ANKRD27: variants seen among roughly 807,000 people sequenced by gnomAD.
ANKRD27 encodes the protein ankyrin repeat domain 27, also known as ankyrin repeat domain-containing protein 27.
A neutral mutation model predicts 129.7 loss-of-function variants in ANKRD27; 112 were observed. The observed-to-expected ratio is 0.86, with a 90% CI of 0.74 to 1.01. The LOEUF is 1.01. ANKRD27 is among the 50% of genes least tolerant of loss of function. ANKRD27 has a pLI of 0.00. For synonymous variants in ANKRD27, 516 were observed against 511.2 expected, an observed-to-expected ratio of 1.01 and a Z score of -0.13; for missense variants, 1,258 against 1,300.5, an observed-to-expected ratio of 0.97 and a Z score of 0.50.
chr19:32,601,983 T>C, intron 26 of ANKRD27, 32 bp downstream of exon 26: 1 of 1,406,302 alleles, frequency 7.1e-7, no homozygotes, highest in Non-Finnish European at 1.0e-6. Flanking sequence ...TATACCCAAC[T>C]TGAGCGTGAC....
chr19:32,620,568 CA>C (rs59205429), intron 18 of ANKRD27, among the ~76,000 whole-genome samples: 3 of 142,916 alleles, frequency 2.1e-5, no homozygotes, highest in Admixed American at 7.1e-5. Context: ...GACTCCGTCT[CA>C]AAAAAAAAAA....
intron 1 of ANKRD27, among the ~76,000 whole-genome samples, chr19:32,665,255 T>C (rs1408489819): frequency 6.6e-6 from 1 of 151,636 alleles, no homozygotes; most frequent in Admixed American, 6.6e-5. Context: ...AAAATCCTAT[T>C]AGGATTTTTA....
At chr19:32,646,298 G>T (rs1485839385) in intron 4 of ANKRD27, among the ~76,000 whole-genome samples, 161 bp downstream of exon 4, 2 of 151,040 alleles carry the variant, frequency 1.3e-5, no homozygotes, top group East Asian at 4.0e-4. Flanking sequence ...TGAACTCCTG[G>T]CCTCAAGTGA....
chr19:32,670,199 C>T (rs7259627), intron 1 of ANKRD27, among the ~76,000 whole-genome samples: 37 of 152,122 alleles, frequency 2.4e-4, no homozygotes, highest in South Asian at 4.1e-4. Context: ...CACTGCTGTG[C>T]GGACAGGGCC....
chr19:32,674,947 G>C (rs1468352285), intron 1 of ANKRD27, 124 bp downstream of exon 1: 2 of 151,906 alleles, frequency 1.3e-5, no homozygotes, highest in Non-Finnish European at 2.9e-5. Context: ...CCCGGGAGCG[G>C]ACTCCGGAGA....
intron 28 of ANKRD27, among the ~76,000 whole-genome samples, chr19:32,599,109 G>T (rs533790712): frequency 6.6e-6 from 1 of 152,030 alleles, no homozygotes; most frequent in Admixed American, 6.6e-5. Flanking sequence ...GTGAAACTGC[G>T]TCTCTACTAA....
chr19:32,649,751 C>T lies in ANKRD27; in HGVS notation c.144G>A (p.Gln48=). The change falls in exon 3 of 29, where the codon CAG becomes CAA. Residue 48 remains glutamine (Q), a synonymous_variant. Transcript: ENST00000306065. ...TGTAGGACTCAAACTGACAAGTAGA[C>T]TGGATGCTGCTCGACAGGCTTCCTT... The part of the protein sequence containing the change: ...PCKGSLSSSI[Q]STCQFESYIL... 6.2e-7 allele frequency: 1 copy of T among 1,614,090 alleles called. No individual in the cohort carries two copies. The highest frequency in any genetic ancestry group is 8.5e-7 in the Non-Finnish European group (1 of 1,179,990).
intron 15 of ANKRD27, among the ~76,000 whole-genome samples, chr19:32,627,870 G>A (rs568269446): frequency 3.3e-5 from 5 of 152,340 alleles, no homozygotes; most frequent in African/African-American, 1.2e-4. Flanking sequence ...CCCACGCAGG[G>A]GGGCTCAGCC....
chr19:32,661,082 T>A (rs1186818849), intron 1 of ANKRD27, among the ~76,000 whole-genome samples: 1 of 151,510 alleles, frequency 6.6e-6, no homozygotes, highest in Non-Finnish European at 1.5e-5. Flanking sequence ...ATGCCTATAG[T>A]CCCAGGTACT....
Position 32,640,369 on chromosome 19 carries a change from C to G in ANKRD27, c.921G>C (p.Met307Ile), listed in dbSNP as rs1967174994. The stretch of plus-strand genomic sequence containing the variant: ...GGACTGATAGCAGATCATCAGCACA[C>G]ATGGTCTCCAGGTTCACTGCAAAGG... ...SPSQRVNLET[M>I]CADDLLSVLL... is the part of the protein sequence containing the mutation. The change falls in exon 11 of 29, where the codon ATG becomes ATC. Residue 307 changes from methionine to isoleucine, a missense_variant. Coordinates refer to ENST00000306065, the MANE Select transcript of ANKRD27 (RefSeq NM_032139.3). 6.2e-7 allele frequency: 1 copy of G among 1,613,958 alleles called. No homozygotes were observed. Among genetic ancestry groups the G allele is most frequent in the Non-Finnish European group, 8.5e-7 (1 of 1,179,856 alleles).
chr19:32,653,906 T>C (rs553824491), intron 2 of ANKRD27, among the ~76,000 whole-genome samples: 1 of 152,174 alleles, frequency 6.6e-6, no homozygotes, highest in South Asian at 2.1e-4. Context: ...TTTTTGTTTG[T>C]TTTTGTTTTT....
chr19:32,611,109 A>G (rs1469582446), intron 22 of ANKRD27, among the ~76,000 whole-genome samples: 1 of 152,240 alleles, frequency 6.6e-6, no homozygotes, highest in African/African-American at 2.4e-5. Flanking sequence ...AAATCACAAA[A>G]AGAGAATAAG....
chr19:32,602,436 AG>A (rs1211949909), intron 25 of ANKRD27, among the ~76,000 whole-genome samples: 1 of 152,050 alleles, frequency 6.6e-6, no homozygotes, highest in Non-Finnish European at 1.5e-5. Context: ...GAGGCTGTTG[AG>A]GGCCCCCATA....
chr19:32,610,110 G>A (rs1358103228), intron 22 of ANKRD27, among the ~76,000 whole-genome samples: 2 of 152,110 alleles, frequency 1.3e-5, no homozygotes, highest in Non-Finnish European at 2.9e-5. Flanking sequence ...AAGAGATCGA[G>A]ACCATCCTGG....
chr19:32,601,611 CAAA>C (rs386388881), intron 26 of ANKRD27, among the ~76,000 whole-genome samples: 6 of 65,158 alleles, frequency 9.2e-5, no homozygotes, highest in African/African-American at 5.5e-5. Flanking sequence ...GACTCTGTCT[CAAA>C]AAAAAAAAAA....
rs145133404 is a variant in ANKRD27 at position 32,616,381 on chromosome 19, C to T, written c.2053-601G>A. 3.5e-3 allele frequency among the ~76,000 whole-genome samples: 529 copies of T among 152,030 alleles called. 2 individuals are homozygous for T. The highest frequency in any genetic ancestry group is 0.012 in the African/African-American group (484 of 41,464). On this transcript the variant is annotated intron_variant, in intron 21 of 28. Transcript: ENST00000306065. ...CAGCCTGGCCAACATGGTGAAACCC[C>T]GTCTCTGCTAAAAATACAAAAATTA...
At chr19:32,659,140 T>TG in intron 1 of ANKRD27, 95 bp from the exon 2 acceptor site, 17 of 230,368 alleles carry the variant, frequency 7.4e-5, no homozygotes, top group East Asian at 5.2e-4. Flanking sequence ...TTTCTTTTTC[T>TG]TTTTTTTTTT....
intron 2 of ANKRD27, among the ~76,000 whole-genome samples, chr19:32,657,959 A>G (rs1459257140): frequency 1.3e-5 from 2 of 152,170 alleles, no homozygotes; most frequent in Non-Finnish European, 2.9e-5. Context: ...TGGGTGACAG[A>G]GCAAGACTCT....
intron 22 of ANKRD27, among the ~76,000 whole-genome samples, chr19:32,614,393 A>T (rs1971880821): frequency 6.6e-6 from 1 of 152,190 alleles, no homozygotes; most frequent in African/African-American, 2.4e-5. Context: ...ATTACAAAAC[A>T]AGAACAAGAG....
Sources: gnomAD v4.1 joint callset for allele counts (sites outside exome capture counted in the v4.1 genomes callset) on GRCh38, gnomAD v4.1.1 for gene constraint, MANE v1.5 for transcripts, NCBI Gene and HGNC (gene_info 2026-07-23, HGNC 2026-07-21) for gene names.